Variants in TENM3 observed in about 807,000 individuals in gnomAD.
TENM3 encodes the protein teneurin transmembrane protein 3.
A neutral mutation model predicts 255.1 loss-of-function variants in TENM3; 63 were observed. The ratio of observed to expected loss-of-function variants is 0.25; its 90% CI spans 0.20 to 0.30. The LOEUF (loss-of-function observed/expected upper bound fraction) is 0.30. Among genes scored for constraint, TENM3 ranks in the 10% least tolerant of loss-of-function variants. The pLI, the probability that TENM3 is intolerant of heterozygous loss-of-function variation, is 1.00. For synonymous variants in TENM3, 1,306 were observed against 1,322.3 expected, an observed-to-expected ratio of 0.99 and a Z score of 0.27; for missense variants, 2,929 against 3,461.1, an observed-to-expected ratio of 0.85 and a Z score of 3.86.
intron 3 of TENM3, among the ~76,000 whole-genome samples, chr4:182,526,115 G>A (rs1248156888): frequency 6.6e-6 from 1 of 152,154 alleles, no homozygotes; most frequent in East Asian, 1.9e-4. Flanking sequence ...CAGTAGCTGG[G>A]ATTACAGGCA....
Position 182,799,942 on chromosome 4 carries a change from T to C in TENM3, c.7691T>C (p.Leu2564Ser), listed in dbSNP as rs749378842. The C allele has an allele frequency of 6.3e-7, 1 of 1,596,144 alleles. No individual in the cohort carries two copies. Among genetic ancestry groups the C allele is most frequent in the South Asian group, 1.1e-5 (1 of 88,134 alleles). Reference sequence around the variant, plus strand: ...GAGAGCGACCTGGGCACGCTGCGGTTGACCAGCGGCCGCAAGGCGCTGGAG... The same window carrying C: ...GAGAGCGACCTGGGCACGCTGCGGTCGACCAGCGGCCGCAAGGCGCTGGAG... ...TPESDLGTLR[L>S]TSGRKALENG... is the part of the protein sequence containing the mutation. Residue 2564 changes from leucine (L) to serine (S), a missense_variant, in exon 28 of 28, where the codon TTG becomes TCG. This residue lies in a region of TENM3 where 476 missense variants were observed against 480.1 expected (regional missense o/e 0.99). Transcript: ENST00000511685. This position sits in a 1 kb window ranked among gnomAD's most constrained non-coding sequence, Gnocchi z 4.2.
At chr4:182,137,333 T>TCA in the TENM3 span, among the ~76,000 whole-genome samples, 2 of 100,520 alleles carry the variant, frequency 2.0e-5, no homozygotes, top group African/African-American at 7.7e-5. Flanking sequence ...CTCTGCCACC[T>TCA]CCCCCCCCCC....
At chr4:182,239,069 G>A (rs1349278124), upstream of TENM3, among the ~76,000 whole-genome samples, 400 of 127,174 alleles carry the variant, frequency 3.1e-3, 6 homozygotes, top group African/African-American at 0.011. Flanking sequence ...GTGTGTGTGT[G>A]TGTGTATTTT....
chr4:181,465,170 T>G, the TENM3 span, among the ~76,000 whole-genome samples: 1 of 146,128 alleles, frequency 6.8e-6, no homozygotes, highest in African/African-American at 2.5e-5. Flanking sequence ...TTCAAAGATA[T>G]GATTTTTGAA....
the TENM3 span, among the ~76,000 whole-genome samples, chr4:181,527,259 TG>T: frequency 6.6e-6 from 1 of 152,266 alleles, no homozygotes; most frequent in Admixed American, 6.5e-5. Context: ...AATGACTTTT[TG>T]TAAATGGATT....
the TENM3 span, among the ~76,000 whole-genome samples, chr4:181,691,957 G>GTTGAAA: frequency 6.6e-6 from 1 of 152,112 alleles, no homozygotes; most frequent in African/African-American, 2.4e-5. Context: ...TCAACTAGGT[G>GTTGAAA]CTTGTCTTTA....
intron 2 of TENM3, among the ~76,000 whole-genome samples, chr4:182,332,244 A>G (rs1265800071): frequency 6.6e-6 from 1 of 152,224 alleles, no homozygotes; most frequent in Non-Finnish European, 1.5e-5. Context: ...CCCTTGGATT[A>G]TGATGTCCCT....
intron 3 of TENM3, among the ~76,000 whole-genome samples, chr4:182,444,770 C>G (rs1419007235): frequency 6.6e-6 from 1 of 152,116 alleles, no homozygotes; most frequent in Non-Finnish European, 1.5e-5. Context: ...TTTATTTAAA[C>G]GGTGAACTAC....
At chr4:182,044,020 T>C in the TENM3 span, among the ~76,000 whole-genome samples, 22 of 152,312 alleles carry the variant, frequency 1.4e-4, no homozygotes, top group Non-Finnish European at 3.1e-4. Flanking sequence ...ATAGCTAATA[T>C]AGAAACTTGA....
the TENM3 span, among the ~76,000 whole-genome samples, chr4:181,614,099 A>T: frequency 7.3e-5 from 11 of 151,724 alleles, no homozygotes; most frequent in East Asian, 5.8e-4. Flanking sequence ...TCATACATAA[A>T]TTTTTTCATT....
intron 7 of TENM3, among the ~76,000 whole-genome samples, chr4:182,673,778 T>C (rs1232031842): frequency 6.6e-6 from 1 of 152,200 alleles, no homozygotes; most frequent in East Asian, 1.9e-4. Context: ...TAACCAAGTA[T>C]GATCATGTCA....
the TENM3 span, among the ~76,000 whole-genome samples, chr4:182,012,425 T>G: frequency 2.0e-5 from 3 of 152,180 alleles, no homozygotes; most frequent in African/African-American, 7.2e-5. Context: ...GTAGGAATAT[T>G]ACATTACTAG....
the TENM3 span, among the ~76,000 whole-genome samples, chr4:181,968,909 T>C: frequency 6.6e-6 from 1 of 152,052 alleles, no homozygotes; most frequent in Non-Finnish European, 1.5e-5. Context: ...GCATGACATA[T>C]GACATCTTTG....
the TENM3 span, among the ~76,000 whole-genome samples, chr4:181,983,671 A>G: frequency 6.6e-6 from 1 of 152,274 alleles, no homozygotes; most frequent in Admixed American, 6.5e-5. Context: ...ATTTTCTGTT[A>G]TGCATCAACC....
chr4:181,566,661 C>T, the TENM3 span, among the ~76,000 whole-genome samples: 9 of 152,128 alleles, frequency 5.9e-5, no homozygotes, highest in African/African-American at 1.2e-4. Context: ...TACACAGGCC[C>T]GTCTGGTTTT....
chr4:182,068,934 C>A, the TENM3 span, among the ~76,000 whole-genome samples: 1 of 151,716 alleles, frequency 6.6e-6, no homozygotes, highest in East Asian at 1.9e-4. Context: ...TAAATCAATA[C>A]AAATTAATAG....
At chr4:181,595,564 A>T in the TENM3 span, among the ~76,000 whole-genome samples, 1 of 151,924 alleles carries the variant, frequency 6.6e-6, no homozygotes, top group African/African-American at 2.4e-5. Context: ...CTTGTTAGTG[A>T]TATACAATCT....
the TENM3 span, among the ~76,000 whole-genome samples, chr4:181,858,003 T>C: frequency 2.3e-4 from 35 of 152,348 alleles, no homozygotes; most frequent in African/African-American, 8.2e-4. Flanking sequence ...GACCCAGCGA[T>C]CCTGAACATA....
the TENM3 span, among the ~76,000 whole-genome samples, chr4:182,056,445 A>T: frequency 7.9e-5 from 12 of 152,084 alleles, no homozygotes; most frequent in African/African-American, 2.7e-4. Flanking sequence ...TCATTTATCA[A>T]CAACAGAGTT....
Sources: allele counts gnomAD v4.1 joint callset (sites outside exome capture counted in the v4.1 genomes callset), GRCh38; gene constraint gnomAD v4.1.1; regional missense constraint gnomAD v4.1.1; non-coding constraint Gnocchi (gnomAD v3.1); transcripts MANE v1.5; gene names NCBI Gene and HGNC (gene_info 2026-07-23, HGNC 2026-07-21).